The following TTC13 variants were observed in gnomAD, a reference collection of about 807,000 sequenced individuals.
The protein encoded by TTC13 is tetratricopeptide repeat domain 13.
Under a neutral mutation model 120.0 loss-of-function variants are expected in TTC13, and 62 were observed. The ratio of observed to expected loss-of-function variants is 0.52; its 90% CI spans 0.42 to 0.64. TTC13 has a LOEUF of 0.64. Among genes scored for constraint, TTC13 ranks in the 30% least tolerant of loss-of-function variants. The probability of loss-of-function intolerance (pLI) is 0.00; values close to 1 mark genes in which losing one functional copy is unlikely to be tolerated. For missense variants in TTC13, 824 were observed against 1,050.2 expected (o/e 0.78, Z 2.98); for synonymous variants, 384 against 393.5 (o/e 0.98, Z 0.28).
intron 12 of TTC13, among the ~76,000 whole-genome samples, chr1:230,927,716 T>A (rs1469363137): frequency 1.3e-5 from 2 of 152,210 alleles, no homozygotes; most frequent in Non-Finnish European, 2.9e-5. Context: ...TTTATCAACC[T>A]TTTTGTTTCA....
intron 18 of TTC13, among the ~76,000 whole-genome samples, chr1:230,915,356 A>ATGTGTGTGTGTGTATG (rs1553279259): frequency 6.6e-6 from 1 of 150,436 alleles, no homozygotes; most frequent in Non-Finnish European, 1.5e-5. Context: ...GTGTGTGTGT[A>ATGTGTGTGTGTGTATG]TGTGTGTGTG....
intron 8 of TTC13, among the ~76,000 whole-genome samples, chr1:230,935,749 C>A (rs969052935): frequency 6.6e-6 from 1 of 152,096 alleles, no homozygotes; most frequent in African/African-American, 2.4e-5. Context: ...CTACTAGCAG[C>A]AACAAAGACA....
In TTC13 at chr1:230,940,891, C is replaced by T. The variant is rs1479570637; in HGVS notation, c.673-335G>A. ...TTTAAATCAAAATTTGGCATCTATA[C>T]ACAAAGATGTCAAAATTAACCTGAA... On this transcript the variant is annotated intron_variant, in intron 6 of 22. Transcript: ENST00000366661. The surrounding 1 kb of genome is among the most constrained non-coding windows in gnomAD (Gnocchi z 4.1). 1.3e-5 allele frequency among the ~76,000 whole-genome samples: 2 copies of T among 152,130 alleles called. No individual in the cohort carries two copies. The highest frequency in any genetic ancestry group is 2.9e-5 in the Non-Finnish European group (2 of 68,036).
At chr1:230,959,052 A>G (rs1219132562) in intron 2 of TTC13, among the ~76,000 whole-genome samples, 1 of 152,228 alleles carries the variant, frequency 6.6e-6, no homozygotes, top group Non-Finnish European at 1.5e-5. Flanking sequence ...TTCACAACAT[A>G]TATGTATATA....
At chr1:230,908,844 G>C (rs143054617) in intron 21 of TTC13, 53 bp from the exon 22 acceptor site, 1 of 1,604,418 alleles carries the variant, frequency 6.2e-7, no homozygotes, top group African/African-American at 1.3e-5. Flanking sequence ...ACACAGGCTC[G>C]GCTGGAGATC....
chr1:230,918,173 A>G (rs1558170341), intron 17 of TTC13, among the ~76,000 whole-genome samples: 1 of 152,204 alleles, frequency 6.6e-6, no homozygotes, highest in African/African-American at 2.4e-5. Flanking sequence ...CTAACTATTT[A>G]TTATATAGTT....
chr1:230,975,155 G>A (rs76171407), intron 1 of TTC13, among the ~76,000 whole-genome samples: 2,090 of 151,916 alleles, frequency 0.014, 18 homozygotes, highest in South Asian at 0.021. Flanking sequence ...TGGAAGTACT[G>A]CTTGAGTCCA....
At chr1:230,972,132 G>T (rs1677823353) in intron 1 of TTC13, among the ~76,000 whole-genome samples, 1 of 152,372 alleles carries the variant, frequency 6.6e-6, no homozygotes, top group Admixed American at 6.5e-5. Context: ...ATTCCTAAGT[G>T]AGAGTCTATG....
intron 1 of TTC13, among the ~76,000 whole-genome samples, chr1:230,964,451 A>G (rs1249110653): frequency 6.6e-6 from 1 of 152,120 alleles, no homozygotes; most frequent in Admixed American, 6.6e-5. Context: ...ATCTTTCCCA[A>G]TCTGAACATA....
At chr1:230,969,234 C>G (rs1677471128) in intron 1 of TTC13, among the ~76,000 whole-genome samples, 2 of 151,224 alleles carry the variant, frequency 1.3e-5, no homozygotes, top group Non-Finnish European at 2.9e-5. Context: ...TGCACTCCAG[C>G]CTGGGTGACA....
chr1:230,945,324 A>G, intron 5 of TTC13, 65 bp downstream of exon 5: 1 of 1,410,882 alleles, frequency 7.1e-7, no homozygotes, highest in African/African-American at 1.4e-5. Context: ...TAGCAGTTCT[A>G]GCAAAACCCT....
intron 17 of TTC13, among the ~76,000 whole-genome samples, chr1:230,919,695 G>C (rs778787633): frequency 6.6e-6 from 1 of 152,134 alleles, no homozygotes; most frequent in African/African-American, 2.4e-5. Context: ...ATTGTTCTTA[G>C]TCCTAGGTTG....
chr1:230,963,132 A>C (rs1676799154), intron 1 of TTC13, among the ~76,000 whole-genome samples: 1 of 152,234 alleles, frequency 6.6e-6, no homozygotes, highest in Non-Finnish European at 1.5e-5. Flanking sequence ...AAAGAGCATT[A>C]AATTATGTTC....
chr1:230,957,375 T>G (rs1002130648), intron 3 of TTC13, among the ~76,000 whole-genome samples: 2 of 152,184 alleles, frequency 1.3e-5, no homozygotes, highest in African/African-American at 2.4e-5. Context: ...AGTTTAAGGC[T>G]GTAGTGAGCT....
At chr1:230,971,999 T>G (rs1478070724) in intron 1 of TTC13, among the ~76,000 whole-genome samples, 1 of 152,192 alleles carries the variant, frequency 6.6e-6, no homozygotes, top group Non-Finnish European at 1.5e-5. Flanking sequence ...GGCACTGACA[T>G]GAAAAGATTA....
chr1:230,940,296 C>T lies in TTC13; in HGVS notation c.789+144G>A. ...TCTCCACTGGGTTTAATTTCAGCTA[C>T]AGAAAATGCTTTTATAACTCTTATG... On this transcript the variant is annotated intron_variant, in intron 7 of 22. Transcript: ENST00000366661. The surrounding 1 kb of genome is among the most constrained non-coding windows in gnomAD (Gnocchi z 4.1). The T allele has an allele frequency of 2.1e-6, 1 of 484,866 alleles. No homozygotes were observed. Among genetic ancestry groups the T allele is most frequent in the Non-Finnish European group, 3.6e-6 (1 of 275,258 alleles). 30.0% of individuals were successfully genotyped at this position (484,866 alleles called of 1,614,324 possible).
chr1:230,956,753 T>C (rs563636906), intron 3 of TTC13, among the ~76,000 whole-genome samples: 26 of 152,298 alleles, frequency 1.7e-4, no homozygotes, highest in Admixed American at 4.6e-4. Context: ...GAAGTATCCA[T>C]TCATAAAAGA....
At chr1:230,911,186 T>G (rs573304717) in intron 20 of TTC13, among the ~76,000 whole-genome samples, 2 of 152,320 alleles carry the variant, frequency 1.3e-5, no homozygotes, top group South Asian at 2.1e-4. Context: ...TAAAACACAC[T>G]GAGCACGGCA....
rs11453211 is a variant in TTC13, at chr1:230,971,345, C to CAAAA, written c.271+7211_271+7214dup. ...TGGGCAACAGAGCAAGACTCCATCTCAAAAAAAAAAAAAAAAAAAAAGACA... is the reference window on the plus strand; with the variant it reads ...TGGGCAACAGAGCAAGACTCCATCTCAAAAAAAAAAAAAAAAAAAAAAAAAGACA... On this transcript the variant is annotated intron_variant, in intron 1 of 22. Transcript: ENST00000366661. Among the ~76,000 whole-genome samples the CAAAA allele has an allele frequency of 1.9e-3, 154 of 80,288 alleles. 5 individuals carry two copies. The highest frequency in any genetic ancestry group is 3.7e-3 in the South Asian group (6 of 1,622). The allele number at this position is 80,288 out of a possible 152,430, so 52.7% of individuals were successfully genotyped here.
Sources: allele counts gnomAD v4.1 joint callset (sites outside exome capture counted in the v4.1 genomes callset), GRCh38; gene constraint gnomAD v4.1.1; non-coding constraint Gnocchi (gnomAD v3.1); transcripts MANE v1.5; gene names NCBI Gene and HGNC (gene_info 2026-07-23, HGNC 2026-07-21).